The following EFCAB6 variants were observed in gnomAD, a reference collection of about 807,000 sequenced individuals.
EFCAB6 encodes the protein EF-hand calcium binding domain 6.
In EFCAB6, 156 loss-of-function variants were observed where a neutral mutation model predicts 169.8. The ratio of observed to expected loss-of-function variants is 0.92; its 90% CI spans 0.81 to 1.05. The LOEUF is 1.05. Among genes scored for constraint, EFCAB6 ranks in the 50% least tolerant of loss-of-function variants. The pLI is 0.00. For synonymous variants in EFCAB6, 698 were observed against 676.4 expected (o/e 1.03, Z -0.50); for missense variants, 1,800 against 1,829.1 (o/e 0.98, Z 0.29).
intron 17 of EFCAB6, among the ~76,000 whole-genome samples, chr22:43,640,789 A>T (rs1458941749): frequency 6.6e-6 from 1 of 152,156 alleles, no homozygotes; most frequent in Non-Finnish European, 1.5e-5. Context: ...TGATTTATTG[A>T]CTTACTTAAC....
chr22:43,693,402 A>G (rs529619288), intron 10 of EFCAB6, among the ~76,000 whole-genome samples: 1 of 151,584 alleles, frequency 6.6e-6, no homozygotes, highest in Middle Eastern at 3.4e-3. Flanking sequence ...ACTGAGGAAC[A>G]TTCTTTAAAA....
At chr22:43,801,990 C>T (rs867664238) in intron 2 of EFCAB6, among the ~76,000 whole-genome samples, 15 of 152,260 alleles carry the variant, frequency 9.9e-5, no homozygotes, top group African/African-American at 3.6e-4. Context: ...CCTATAAAGA[C>T]TCGTATAGAC....
intron 2 of EFCAB6, chr22:43,802,675 G>A (rs1189275552): frequency 2.0e-6 from 1 of 506,080 alleles, no homozygotes; most frequent in Non-Finnish European, 3.9e-6. Context: ...AAGGGAAAAA[G>A]GGAAAAGCTG....
Position 43,776,436 on chromosome 22 carries a change from A to G in EFCAB6, c.140-3333T>C, listed in dbSNP as rs573082911. 5.9e-5 allele frequency among the ~76,000 whole-genome samples: 9 copies of G among 152,382 alleles called. No individual in the cohort carries two copies. The South Asian group carries it at 1.7e-3, about 28-fold the overall frequency. On this transcript the variant is annotated intron_variant, in intron 3 of 31. Coordinates refer to ENST00000262726, the MANE Select transcript of EFCAB6 (RefSeq NM_022785.4). ...GCCAATAAATAAATAAACAAATGAT[A>G]GGGTCATGGCGCACAGTGACACGTG...
At chr22:43,656,490 T>A (rs1317061938) in intron 17 of EFCAB6, among the ~76,000 whole-genome samples, 1 of 152,182 alleles carries the variant, frequency 6.6e-6, no homozygotes, top group Non-Finnish European at 1.5e-5. Flanking sequence ...CATGCTGTTA[T>A]GGACCGCATA....
intron 4 of EFCAB6, among the ~76,000 whole-genome samples, chr22:43,769,846 A>G (rs941808135): frequency 6.8e-6 from 1 of 147,280 alleles, no homozygotes; most frequent in Non-Finnish European, 1.5e-5. Context: ...CCTGGGCTCA[A>G]GGTGAGCTAA....
At chr22:43,729,649 A>C (rs1311300011) in intron 8 of EFCAB6, among the ~76,000 whole-genome samples, 2 of 152,240 alleles carry the variant, frequency 1.3e-5, no homozygotes, top group African/African-American at 4.8e-5. Flanking sequence ...CTTCAGATAC[A>C]AAATTACTTT....
chr22:43,791,898 C>T (rs955749177), intron 2 of EFCAB6, among the ~76,000 whole-genome samples: 7 of 152,164 alleles, frequency 4.6e-5, no homozygotes, highest in African/African-American at 9.7e-5. Context: ...ACACTCATGA[C>T]GGCAACCTAG....
chr22:43,624,108 G>A (rs541546797), intron 20 of EFCAB6, among the ~76,000 whole-genome samples: 13 of 151,998 alleles, frequency 8.6e-5, no homozygotes, highest in South Asian at 4.2e-4. Flanking sequence ...CTCTGAGCCC[G>A]CACTCCTTCA....
intron 26 of EFCAB6, among the ~76,000 whole-genome samples, chr22:43,566,291 C>A (rs533582149): frequency 1.6e-4 from 25 of 152,320 alleles, no homozygotes; most frequent in Admixed American, 1.4e-3. Flanking sequence ...ATAACTGCTG[C>A]CCAGGCGTGG....
At chr22:43,746,776 G>C (rs373363837) in intron 6 of EFCAB6, among the ~76,000 whole-genome samples, 1 of 152,166 alleles carries the variant, frequency 6.6e-6, no homozygotes, top group Admixed American at 6.5e-5. Flanking sequence ...ATTTTAAAAA[G>C]GGCTGCTGAT....
At chr22:43,658,784 T>A (rs1334529351) in intron 17 of EFCAB6, among the ~76,000 whole-genome samples, 1 of 152,032 alleles carries the variant, frequency 6.6e-6, no homozygotes. Context: ...CTGACAAAAC[T>A]GAAGATGTGA....
chr22:43,733,132 C>T (rs1011465594), intron 7 of EFCAB6, among the ~76,000 whole-genome samples: 2 of 152,254 alleles, frequency 1.3e-5, no homozygotes, highest in Admixed American at 6.5e-5. Flanking sequence ...GGTGTGATCG[C>T]TGCCAGATGT....
At chr22:43,774,198 C>T (rs757510981) in intron 3 of EFCAB6, among the ~76,000 whole-genome samples, 1 of 151,654 alleles carries the variant, frequency 6.6e-6, no homozygotes, top group Non-Finnish European at 1.5e-5. Context: ...GGCATAAGGA[C>T]AGTGATAGCT....
chr22:43,640,458 T>C (rs1302469178), intron 17 of EFCAB6, among the ~76,000 whole-genome samples: 1 of 152,192 alleles, frequency 6.6e-6, no homozygotes, highest in Non-Finnish European at 1.5e-5. Flanking sequence ...GTTCTGCTCA[T>C]ATGTGGTTTA....
intron 17 of EFCAB6, among the ~76,000 whole-genome samples, chr22:43,648,508 G>C (rs2056299210): frequency 6.6e-6 from 1 of 152,182 alleles, no homozygotes. Context: ...GCTAAGCATT[G>C]AGTACACAGA....
intron 8 of EFCAB6, among the ~76,000 whole-genome samples, chr22:43,722,402 G>A (rs2059566552): frequency 2.6e-5 from 4 of 152,024 alleles, no homozygotes; most frequent in Middle Eastern, 3.4e-3. Flanking sequence ...GTGGTGGCAT[G>A]CGCCTGTAAT....
chr22:43,618,667 G>T (rs761744656), intron 20 of EFCAB6, among the ~76,000 whole-genome samples: 1 of 152,188 alleles, frequency 6.6e-6, no homozygotes, highest in Non-Finnish European at 1.5e-5. Context: ...AGGTCCAAAA[G>T]AAAGGCTGAC....
At chr22:43,683,682 G>T in intron 12 of EFCAB6, 65 bp downstream of exon 12, 4 of 1,177,568 alleles carry the variant, frequency 3.4e-6, no homozygotes, top group Non-Finnish European at 5.1e-6. Flanking sequence ...TATTGGTCTT[G>T]TTCTGAGTGT....
Sources: gnomAD v4.1 joint callset for allele counts (sites outside exome capture counted in the v4.1 genomes callset) on GRCh38, gnomAD v4.1.1 for gene constraint, MANE v1.5 for transcripts, NCBI Gene and HGNC (gene_info 2026-07-23, HGNC 2026-07-21) for gene names.